Variants in GALNTL6 observed in about 807,000 individuals in gnomAD.
GALNTL6 encodes the protein polypeptide N-acetylgalactosaminyltransferase-like 6.
Under a neutral mutation model 73.7 loss-of-function variants are expected in GALNTL6, and 46 were observed. That is an observed-to-expected ratio of 0.62 (90% confidence interval 0.49 to 0.80). GALNTL6 has a LOEUF of 0.80. Among genes scored for constraint, GALNTL6 ranks in the 30% least tolerant of loss-of-function variants. The pLI is 0.00. For missense variants in GALNTL6, 604 were observed against 755.0 expected (o/e 0.80, Z 2.34); for synonymous variants, 259 against 263.7 (o/e 0.98, Z 0.17).
intron 5 of GALNTL6, among the ~76,000 whole-genome samples, chr4:172,708,048 C>T (rs77575975): frequency 4.3e-4 from 66 of 152,158 alleles, no homozygotes; most frequent in Admixed American, 1.6e-3. Flanking sequence ...TAATATAATT[C>T]TCCTCACCAT....
At chr4:172,422,075 C>T (rs1016523479) in intron 5 of GALNTL6, among the ~76,000 whole-genome samples, 1 of 152,078 alleles carries the variant, frequency 6.6e-6, no homozygotes, top group Non-Finnish European at 1.5e-5. Context: ...CTTTGCAATT[C>T]CTTAGCATTT....
chr4:171,878,312 T>C (rs111938122), intron 2 of GALNTL6, among the ~76,000 whole-genome samples: 6 of 152,304 alleles, frequency 3.9e-5, no homozygotes, highest in African/African-American at 1.4e-4. Flanking sequence ...TATAGACTTG[T>C]GTAATGAGGC....
chr4:172,411,035 G>A (rs1011719280), intron 5 of GALNTL6, among the ~76,000 whole-genome samples: 2 of 152,054 alleles, frequency 1.3e-5, no homozygotes, highest in Non-Finnish European at 2.9e-5. Flanking sequence ...ATGTACATTC[G>A]TAAAATAATT....
chr4:172,134,524 CTG>C (rs1416970831), intron 2 of GALNTL6, among the ~76,000 whole-genome samples: 1 of 152,064 alleles, frequency 6.6e-6, no homozygotes, highest in Admixed American at 6.5e-5. Flanking sequence ...TATTAAACAA[CTG>C]GGTAGAAGAG....
chr4:172,183,660 C>G (rs913202299), intron 2 of GALNTL6, among the ~76,000 whole-genome samples: 21 of 152,110 alleles, frequency 1.4e-4, no homozygotes, highest in Non-Finnish European at 2.4e-4. Flanking sequence ...GATTAAATCC[C>G]ATGGTAGTGT....
chr4:172,429,501 A>G (rs1156292430), intron 5 of GALNTL6, among the ~76,000 whole-genome samples: 1 of 152,106 alleles, frequency 6.6e-6, no homozygotes, highest in Non-Finnish European at 1.5e-5. Flanking sequence ...TAACCTCTTA[A>G]TATCCTCACC....
At chr4:172,808,589 G>T (rs112432324) in intron 5 of GALNTL6, among the ~76,000 whole-genome samples, 15 of 152,266 alleles carry the variant, frequency 9.9e-5, no homozygotes, top group African/African-American at 3.4e-4. Context: ...GGCAGCAAAT[G>T]CTCTTATTTG....
At chr4:172,923,475 G>A (rs1747895082) in intron 8 of GALNTL6, among the ~76,000 whole-genome samples, 1 of 152,080 alleles carries the variant, frequency 6.6e-6, no homozygotes, top group African/African-American at 2.4e-5. Flanking sequence ...AGATTTGGGT[G>A]GGGACACAGG....
intron 2 of GALNTL6, among the ~76,000 whole-genome samples, chr4:171,922,447 C>T (rs1239950819): frequency 6.6e-6 from 1 of 152,044 alleles, no homozygotes; most frequent in Non-Finnish European, 1.5e-5. Context: ...GCATTCTGCA[C>T]AATCTGGTAC....
At chr4:171,873,653 A>T (rs978770514) in intron 2 of GALNTL6, among the ~76,000 whole-genome samples, 20 of 152,174 alleles carry the variant, frequency 1.3e-4, no homozygotes, top group African/African-American at 2.4e-5. Context: ...GTGATTTATC[A>T]ATACTTCTAC....
At chr4:171,833,144 CT>C (rs1252447978) in intron 2 of GALNTL6, among the ~76,000 whole-genome samples, 1 of 151,602 alleles carries the variant, frequency 6.6e-6, no homozygotes, top group African/African-American at 2.4e-5. Flanking sequence ...TATATGATAT[CT>C]AGGGTATAGT....
chr4:172,264,416 T>C (rs1201668353), intron 3 of GALNTL6, among the ~76,000 whole-genome samples: 1 of 149,406 alleles, frequency 6.7e-6, no homozygotes, highest in Non-Finnish European at 1.5e-5. Context: ...TTTGGCAACA[T>C]TAAAACTAAC....
intron 5 of GALNTL6, among the ~76,000 whole-genome samples, chr4:172,609,601 TTC>T (rs71592087): frequency 0.016 from 1,874 of 113,830 alleles, 40 homozygotes; most frequent in East Asian, 0.027. Flanking sequence ...GCCTGAAGTT[TTC>T]TCTCTCTCTC....
chr4:172,132,896 T>C (rs893462246), intron 2 of GALNTL6, among the ~76,000 whole-genome samples: 28 of 152,170 alleles, frequency 1.8e-4, no homozygotes, highest in African/African-American at 6.8e-4. Flanking sequence ...TTGTCACCTC[T>C]AAAATATAGA....
chr4:172,378,767 T>A (rs1388207999), intron 5 of GALNTL6, among the ~76,000 whole-genome samples: 1 of 152,078 alleles, frequency 6.6e-6, no homozygotes, highest in Non-Finnish European at 1.5e-5. Flanking sequence ...ATGTATCCAT[T>A]ATAAGCCAAA....
chr4:172,825,563 G>A (rs1049237796), intron 7 of GALNTL6, among the ~76,000 whole-genome samples: 1 of 152,178 alleles, frequency 6.6e-6, no homozygotes, highest in Non-Finnish European at 1.5e-5. Flanking sequence ...AGGAGAGCAG[G>A]AGCTTAGGAT....
intron 3 of GALNTL6, among the ~76,000 whole-genome samples, chr4:172,291,207 T>G (rs2111100107): frequency 6.6e-6 from 1 of 152,192 alleles, no homozygotes; most frequent in Non-Finnish European, 1.5e-5. Context: ...TGAGAGACTA[T>G]TATTACTTTC....
At chr4:172,805,499 A>T (rs930177250) in intron 5 of GALNTL6, among the ~76,000 whole-genome samples, 1 of 152,154 alleles carries the variant, frequency 6.6e-6, no homozygotes, top group African/African-American at 2.4e-5. Flanking sequence ...TTTCCATATC[A>T]TCAGGATATA....
At chr4:172,249,176 T>C (rs1192392633) in intron 3 of GALNTL6, among the ~76,000 whole-genome samples, 1 of 152,114 alleles carries the variant, frequency 6.6e-6, no homozygotes, top group Non-Finnish European at 1.5e-5. Flanking sequence ...AACAATGAAG[T>C]CCAGGCTGAG....
Sources: allele counts gnomAD v4.1 joint callset (sites outside exome capture counted in the v4.1 genomes callset), GRCh38; gene constraint gnomAD v4.1.1; transcripts MANE v1.5; gene names NCBI Gene and HGNC (gene_info 2026-07-23, HGNC 2026-07-21).